Variants in ZNF274 observed in about 807,000 individuals in gnomAD.
ZNF274 encodes zinc finger protein 274.
Under a neutral mutation model 42.5 loss-of-function variants are expected in ZNF274, and 23 were observed. The ratio of observed to expected loss-of-function variants is 0.54; its 90% CI spans 0.39 to 0.77. The LOEUF (loss-of-function observed/expected upper bound fraction) is 0.77. Ranked by LOEUF, ZNF274 falls within the 30% of genes least tolerant of loss-of-function variation. The pLI is 0.00. For missense variants in ZNF274, 679 were observed against 806.5 expected (o/e 0.84, Z 1.91); for synonymous variants, 292 against 305.4 (o/e 0.96, Z 0.46).
intron 5 of ZNF274, chr19:58,209,259 T>C (rs1336446826): frequency 6.6e-6 from 1 of 152,216 alleles, no homozygotes; most frequent in African/African-American, 2.4e-5. Flanking sequence ...ATAGGCTGTG[T>C]TCATCCCAGA....
In ZNF274 at chr19:58,211,534, G is replaced by T; in HGVS notation, c.853-26G>T. 1 of 1,603,628 alleles carries T rather than the reference G, an allele frequency of 6.2e-7. No individual in the cohort carries two copies. The highest frequency in any genetic ancestry group is 8.5e-7 in the Non-Finnish European group (1 of 1,173,812). On this transcript the variant is annotated intron_variant, in intron 6 of 7. Coordinates refer to ENST00000617501, the MANE Select transcript of ZNF274 (RefSeq NM_133502.3). The surrounding 1 kb of genome is among the most constrained non-coding windows in gnomAD (Gnocchi z 4.8). The stretch of plus-strand genomic sequence containing the variant: ...GACAACCCTCTGACCCTCTTGCTGA[G>T]CATAGACACATATGTGATGTTACAG...
In ZNF274 at chr19:58,211,399, C is replaced by A; in HGVS notation, c.853-161C>A. Reference sequence around the variant, plus strand: ...AGACCCTGGTTTGGACCCAGTAGAACTCTTGTGGGCCCTGGGTTGGTGTCT... The same window carrying A: ...AGACCCTGGTTTGGACCCAGTAGAAATCTTGTGGGCCCTGGGTTGGTGTCT... On this transcript the variant is annotated intron_variant, in intron 6 of 7. Coordinates refer to ENST00000617501, the MANE Select transcript of ZNF274 (RefSeq NM_133502.3). The surrounding 1 kb of genome is among the most constrained non-coding windows in gnomAD (Gnocchi z 4.8). The A allele has an allele frequency of 1.1e-6, 1 of 884,250 alleles. No individual in the cohort carries two copies. The highest frequency in any genetic ancestry group is 2.7e-5 in the Admixed American group (1 of 37,032). 54.8% of individuals were successfully genotyped at this position (884,250 alleles called of 1,614,324 possible).
intron 2 of ZNF274, 121 bp from the exon 3 acceptor site, chr19:58,185,591 A>C (rs1401904876): frequency 8.7e-7 from 1 of 1,150,506 alleles, no homozygotes; most frequent in African/African-American, 1.6e-5. Flanking sequence ...GAGACTCCCA[A>C]AATGCCCTTG....
intron 4 of ZNF274, among the ~76,000 whole-genome samples, chr19:58,187,970 C>A (rs1008947060): frequency 2.0e-5 from 3 of 152,156 alleles, no homozygotes; most frequent in Non-Finnish European, 4.4e-5. Flanking sequence ...AGTGATTCAC[C>A]CACCTTGGCC....
At chr19:58,202,313 T>G (rs975343728) in intron 4 of ZNF274, 3 of 152,270 alleles carry the variant, frequency 2.0e-5, no homozygotes, top group Admixed American at 6.5e-5. Flanking sequence ...GAGGTAGAAG[T>G]ATCCTGAGAG....
At chr19:58,209,856 A>G (rs1164588449) in intron 5 of ZNF274, 105 bp from the exon 6 acceptor site, 11 of 672,710 alleles carry the variant, frequency 1.6e-5, no homozygotes, top group Non-Finnish European at 2.6e-5. Flanking sequence ...GAGCCACAGT[A>G]CGATGCAGGG....
chr19:58,195,315 G>A (rs1022917655), intron 4 of ZNF274, among the ~76,000 whole-genome samples: 3 of 152,084 alleles, frequency 2.0e-5, no homozygotes, highest in Non-Finnish European at 4.4e-5. Context: ...ATTGTCCCAT[G>A]TCTTAACTGA....
intron 4 of ZNF274, among the ~76,000 whole-genome samples, chr19:58,199,210 A>G (rs2075879726): frequency 6.6e-6 from 1 of 151,786 alleles, no homozygotes; most frequent in Admixed American, 6.6e-5. Flanking sequence ...TACTAAAACT[A>G]CAAAAAATAG....
At chr19:58,200,440 A>T (rs1359440951) in intron 4 of ZNF274, among the ~76,000 whole-genome samples, 1 of 152,220 alleles carries the variant, frequency 6.6e-6, no homozygotes, top group Non-Finnish European at 1.5e-5. Context: ...TGAGTGTTGG[A>T]AAGAGAAGGA....
At chr19:58,185,163 CAT>C (rs2075682576) in intron 2 of ZNF274, among the ~76,000 whole-genome samples, 1 of 150,680 alleles carries the variant, frequency 6.6e-6, no homozygotes, top group South Asian at 2.1e-4. Flanking sequence ...CGGTGGCTCA[CAT>C]GTGTAATCCC....
At chr19:58,206,640 C>T in intron 4 of ZNF274, 80 bp from the exon 5 acceptor site, 6 of 1,457,088 alleles carry the variant, frequency 4.1e-6, no homozygotes, top group Non-Finnish European at 4.6e-6. Context: ...TTTTGACTTG[C>T]ATTTCCCTAG....
At chr19:58,188,694 G>GTATATGTATATGTGTATA (rs1221412961) in intron 4 of ZNF274, among the ~76,000 whole-genome samples, 2 of 74,656 alleles carry the variant, frequency 2.7e-5, no homozygotes, top group African/African-American at 1.1e-4. Context: ...ATATGTATAT[G>GTATATGTATATGTGTATA]TATATATATA....
intron 4 of ZNF274, among the ~76,000 whole-genome samples, chr19:58,190,146 T>C: frequency 6.9e-6 from 1 of 145,094 alleles, no homozygotes. Flanking sequence ...AAAATTTATC[T>C]CTCTCTTTTT....
chr19:58,198,796 ATTAACT>A (rs988883094), intron 4 of ZNF274, among the ~76,000 whole-genome samples: 2 of 149,036 alleles, frequency 1.3e-5, no homozygotes, highest in Non-Finnish European at 3.0e-5. Context: ...AAATATTAAA[ATTAACT>A]TTGACTTTTT....
In ZNF274 at chr19:58,207,280, G is replaced by C; in HGVS notation, c.739+78G>C. The C allele has an allele frequency of 1.3e-6, 2 of 1,491,922 alleles. No homozygotes were observed. The highest frequency in any genetic ancestry group is 1.8e-6 in the Non-Finnish European group (2 of 1,120,118). The allele number at this position is 1,491,922 out of a possible 1,614,324, so 92.4% of individuals were successfully genotyped here. A position where few individuals can be genotyped will look rare whatever the true frequency, so the allele number is the denominator to read the frequency against. On this transcript the variant is annotated intron_variant, in intron 5 of 7. Transcript: ENST00000617501. This position sits in a 1 kb window ranked among gnomAD's most constrained non-coding sequence, Gnocchi z 5.6. ...CCTGTGGGGGAGATAAGAACTCCAG[G>C]CTTCCTAGGAAGGTCATGGGAAGGA...
rs951044151 is a variant in ZNF274, at chr19:58,187,134, C to T, written c.256+92C>T. 1.8e-5 allele frequency: 20 copies of T among 1,102,892 alleles called. No homozygotes were observed. The Admixed American group carries it at 2.6e-4, about 15-fold the overall frequency. The allele number at this position is 1,102,892 out of a possible 1,614,324, so 68.3% of individuals were successfully genotyped here. ...TGGAAAAGCAGTAGACATTGGGATA[C>T]CCCAGGTGGGATGCTGTGATGAGCA... On this transcript the variant is annotated intron_variant, in intron 4 of 7. Coordinates refer to ENST00000617501, the MANE Select transcript of ZNF274 (RefSeq NM_133502.3).
chr19:58,192,679 C>T (rs1161777796), intron 4 of ZNF274, among the ~76,000 whole-genome samples: 1 of 152,146 alleles, frequency 6.6e-6, no homozygotes, highest in Non-Finnish European at 1.5e-5. Flanking sequence ...GTAGTTGTTA[C>T]ACTGTTTAGG....
intron 4 of ZNF274, among the ~76,000 whole-genome samples, chr19:58,189,843 G>A (rs916836907): frequency 1.7e-4 from 26 of 151,936 alleles, no homozygotes; most frequent in African/African-American, 3.1e-4. Context: ...TTTTTTGGCC[G>A]GGCGGGCACG....
rs1475078185 is a variant in ZNF274 at position 58,211,397 on chromosome 19, A to C, written c.853-163A>C. 3.5e-6 allele frequency: 3 copies of C among 846,076 alleles called. No individual in the cohort carries two copies. Among genetic ancestry groups the C allele is most frequent in the Non-Finnish European group, 5.2e-6 (3 of 577,612 alleles). 52.4% of individuals were successfully genotyped at this position (846,076 alleles called of 1,614,324 possible). A position where few individuals can be genotyped will look rare whatever the true frequency, so the allele number is the denominator to read the frequency against. On this transcript the variant is annotated intron_variant, in intron 6 of 7. Transcript: ENST00000617501. This position sits in a 1 kb window ranked among gnomAD's most constrained non-coding sequence, Gnocchi z 4.8. ...CCAGACCCTGGTTTGGACCCAGTAG[A>C]ACTCTTGTGGGCCCTGGGTTGGTGT...
Sources: allele counts gnomAD v4.1 joint callset (sites outside exome capture counted in the v4.1 genomes callset), GRCh38; gene constraint gnomAD v4.1.1; non-coding constraint Gnocchi (gnomAD v3.1); transcripts MANE v1.5; gene names NCBI Gene and HGNC (gene_info 2026-07-23, HGNC 2026-07-21).